The following TENT5B variants were observed in gnomAD, a reference collection of about 807,000 sequenced individuals.
TENT5B encodes family with sequence similarity 46 member B.
In TENT5B, 12 loss-of-function variants were observed where a neutral mutation model predicts 21.7. That is an observed-to-expected ratio of 0.55 (90% CI 0.36 to 0.90). The LOEUF (loss-of-function observed/expected upper bound fraction) is 0.90, where lower values mean the gene tolerates loss of function less well. Among genes scored for constraint, TENT5B ranks in the 40% least tolerant of loss-of-function variants. The pLI is 0.01. For missense variants in TENT5B, 540 were observed against 601.5 expected, an observed-to-expected ratio of 0.90 and a Z score of 1.07; for synonymous variants, 262 against 266.6, an observed-to-expected ratio of 0.98 and a Z score of 0.17.
intron 1 of TENT5B, among the ~76,000 whole-genome samples, chr1:27,010,404 A>G (rs1013260014): frequency 3.9e-5 from 6 of 151,944 alleles, no homozygotes; most frequent in African/African-American, 1.5e-4. Context: ...GCAACAACCG[A>G]CACCACCCTC....
In TENT5B at chr1:27,006,830, CG is replaced by C. The variant is rs769291716; in HGVS notation, c.391del (p.Arg131GlyfsTer12). 1.2e-6 allele frequency: 2 copies of C among 1,614,082 alleles called. No homozygotes were observed. Among genetic ancestry groups the C allele is most frequent in the South Asian group, 2.2e-5 (2 of 91,082 alleles). Reference sequence around the variant, plus strand: ...GGATGCCTCACTGCGCAGGTCCACCCGGAACACCAGGTCCAGATCCTTGTAG... The same window carrying C: ...GGATGCCTCACTGCGCAGGTCCACCCGAACACCAGGTCCAGATCCTTGTAG... ...LGYKDLDLVFRVDLRSEASFQ... is the reference protein window; with the variant it reads ...LGYKDLDLVFXVDLRSEASFQ... On this transcript the variant is annotated frameshift_variant, in exon 2 of 2. Coordinates refer to ENST00000289166, the MANE Select transcript of TENT5B (RefSeq NM_052943.4). LOFTEE classifies it high-confidence loss of function. The surrounding 1 kb of genome is among the most constrained non-coding windows in gnomAD (Gnocchi z 9.4).
chr1:27,005,724 G>A lies in TENT5B; in HGVS notation c.*220C>T. 1.9e-6 allele frequency: 1 copy of A among 536,194 alleles called. No individual in the cohort carries two copies. Among genetic ancestry groups the A allele is most frequent in the Non-Finnish European group, 3.1e-6 (1 of 321,492 alleles). The allele number at this position is 536,194 out of a possible 1,614,324, so 33.2% of individuals were successfully genotyped here. On this transcript the variant is annotated 3_prime_UTR_variant, in exon 2 of 2. Coordinates refer to ENST00000289166, the MANE Select transcript of TENT5B (RefSeq NM_052943.4). ...CGGCATGCTGGTCCAAAAGTGTGATGCAATAACCAAAGGGTCCTCCTGCTG... is the reference window on the plus strand; with the variant it reads ...CGGCATGCTGGTCCAAAAGTGTGATACAATAACCAAAGGGTCCTCCTGCTG...
In TENT5B at chr1:27,006,202, G is replaced by T; in HGVS notation, c.1020C>A (p.Tyr340Ter). The T allele has an allele frequency of 6.2e-7, 1 of 1,608,230 alleles. No homozygotes were observed. The highest frequency in any genetic ancestry group is 8.5e-7 in the Non-Finnish European group (1 of 1,178,156). Residue 340 changes from tyrosine to a stop codon, truncating the protein, a stop_gained, in exon 2 of 2, where the codon TAC becomes TAA. Transcript: ENST00000289166. LOFTEE classifies it high-confidence loss of function. This position sits in a 1 kb window ranked among gnomAD's most constrained non-coding sequence, Gnocchi z 9.4. Reference sequence around the variant, plus strand: ...CCCGGTGCAGTGTCACCAGGCAGGCGTAACGGCGGGCTGCATCTGCCCCAC... The same window carrying T: ...CCCGGTGCAGTGTCACCAGGCAGGCTTAACGGCGGGCTGCATCTGCCCCAC... ...HFGGADAARR[Y>*]ACLVTLHRVV...
In TENT5B at chr1:27,012,698, G is replaced by C. The variant is rs2082630594; in HGVS notation, c.-28C>G. On this transcript the variant is annotated 5_prime_UTR_variant, in exon 1 of 2. Transcript: ENST00000289166. ...GCCCGGCCCCCGGGCCCCGACGGCA[G>C]AAACCGTGGGGGTGGTTAAGGGGAG... 1 of 1,449,910 alleles carries C rather than the reference G, an allele frequency of 6.9e-7. No individual in the cohort carries two copies. Among genetic ancestry groups the C allele is most frequent in the South Asian group, 1.4e-5 (1 of 71,536 alleles). 89.8% of individuals were successfully genotyped at this position (1,449,910 alleles called of 1,614,324 possible). A position where few individuals can be genotyped will look rare whatever the true frequency, so the allele number is the denominator to read the frequency against.
In TENT5B at chr1:27,012,569, GCCGCCTGCCGGGGCTGCCGTGGCCA is replaced by G; in HGVS notation, c.77_101del (p.Val26AlafsTer16). On this transcript the variant is annotated frameshift_variant, in exon 1 of 2. Transcript: ENST00000289166. LOFTEE classifies it high-confidence loss of function. ...CCGATAAGGCCTCCGGGTCGGGGCCGCCGCCTGCCGGGGCTGCCGTGGCCACCGCCGTGGCCGCAGCCGTCCCCAC... is the reference window on the plus strand; with the variant it reads ...CCGATAAGGCCTCCGGGTCGGGGCCGCCGCCGTGGCCGCAGCCGTCCCCAC... The G allele has an allele frequency of 6.4e-7, 1 of 1,553,332 alleles. No individual in the cohort carries two copies. Among genetic ancestry groups the G allele is most frequent in the Non-Finnish European group, 8.6e-7 (1 of 1,156,138 alleles).
chr1:27,012,520 C>A lies in TENT5B; in HGVS notation c.151G>T (p.Gly51Trp). 1.9e-6 allele frequency: 3 copies of A among 1,606,170 alleles called. No homozygotes were observed. Among genetic ancestry groups the A allele is most frequent in the Non-Finnish European group, 2.5e-6 (3 of 1,179,236 alleles). ...CGCTTCACCTGTGGCCAGCTCAGCC[C>A]ACTCAGGTGCCGTCCGGGGAAGGCC... is the stretch of plus-strand genomic sequence containing the variant. ...LSAFPGRHLS[G>W]LSWPQVKRLD... The change falls in exon 1 of 2, where the codon GGG becomes TGG. Residue 51 changes from glycine (G) to tryptophan (W), a missense_variant. Transcript: ENST00000289166.
intron 1 of TENT5B, among the ~76,000 whole-genome samples, chr1:27,010,530 G>A (rs576445484): frequency 6.6e-6 from 1 of 152,140 alleles, no homozygotes; most frequent in Non-Finnish European, 1.5e-5. Context: ...ACCAGGTGAA[G>A]GCACCTGTCC....
Position 27,005,905 on chromosome 1 carries a change from C to G in TENT5B, c.*39G>C. 1 of 1,515,632 alleles carries G rather than the reference C, an allele frequency of 6.6e-7. No individual in the cohort carries two copies. Among genetic ancestry groups the G allele is most frequent in the Non-Finnish European group, 8.8e-7 (1 of 1,132,024 alleles). The allele number at this position is 1,515,632 out of a possible 1,614,324, so 93.9% of individuals were successfully genotyped here. A position where few individuals can be genotyped will look rare whatever the true frequency, so the allele number is the denominator to read the frequency against. On this transcript the variant is annotated 3_prime_UTR_variant, in exon 2 of 2. Transcript: ENST00000289166. ...CACTCTTGGAGGCCCCACCCCACCC[C>G]GTGAGGCCCAGTCCCTTCCCTTCTG...
At chr1:27,007,196 A>G (rs1300921982) in intron 1 of TENT5B, among the ~76,000 whole-genome samples, 1 of 152,088 alleles carries the variant, frequency 6.6e-6, no homozygotes, top group East Asian at 1.9e-4. Flanking sequence ...CTCAGGAAGA[A>G]TAGCAATGAT....
Position 27,006,966 on chromosome 1 carries a change from G to T in TENT5B, c.265-9C>A. ...AGGGTGCTGCGGACCACCTGCAGGG[G>T]AGAGCAGGAAGGAGAGGTGTCAGGA... is the stretch of plus-strand genomic sequence containing the variant. On this transcript the variant is annotated splice_polypyrimidine_tract_variant and intron_variant, in intron 1 of 1. Coordinates refer to ENST00000289166, the MANE Select transcript of TENT5B (RefSeq NM_052943.4). The surrounding 1 kb of genome is among the most constrained non-coding windows in gnomAD (Gnocchi z 9.4). The T allele has an allele frequency of 1.9e-6, 3 of 1,566,448 alleles. No individual in the cohort carries two copies. The highest frequency in any genetic ancestry group is 2.6e-6 in the Non-Finnish European group (3 of 1,152,872).
In TENT5B at chr1:27,006,828, C is replaced by A; in HGVS notation, c.394G>T (p.Val132Leu). The A allele has an allele frequency of 6.2e-7, 1 of 1,614,056 alleles. No homozygotes were observed. Among genetic ancestry groups the A allele is most frequent in the South Asian group, 1.1e-5 (1 of 91,086 alleles). ...AAGGATGCCTCACTGCGCAGGTCCA[C>A]CCGGAACACCAGGTCCAGATCCTTG... ...GYKDLDLVFR[V>L]DLRSEASFQL... Residue 132 changes from valine (V) to leucine (L), a missense_variant, in exon 2 of 2, where the codon GTG becomes TTG. Physicochemically the swap from Val to Leu is conservative, Grantham distance 32 (BLOSUM62 1). Coordinates refer to ENST00000289166, the MANE Select transcript of TENT5B (RefSeq NM_052943.4). The surrounding 1 kb of genome is among the most constrained non-coding windows in gnomAD (Gnocchi z 9.4).
Position 27,006,202 on chromosome 1 carries a change from G to GT in TENT5B, c.1019dup (p.Tyr340Ter), listed in dbSNP as rs750701037. 1 of 1,608,230 alleles carries GT rather than the reference G, an allele frequency of 6.2e-7. No individual in the cohort carries two copies. The highest frequency in any genetic ancestry group is 8.5e-7 in the Non-Finnish European group (1 of 1,178,156). Residue 340 changes from tyrosine (Y) to a stop codon, truncating the protein, a stop_gained and frameshift_variant, in exon 2 of 2, where the codon TAC (tyrosine) becomes TAAC (stop). Coordinates refer to ENST00000289166, the MANE Select transcript of TENT5B (RefSeq NM_052943.4). LOFTEE classifies it high-confidence loss of function. The surrounding 1 kb of genome is among the most constrained non-coding windows in gnomAD (Gnocchi z 9.4). ...CCCGGTGCAGTGTCACCAGGCAGGC[G>GT]TAACGGCGGGCTGCATCTGCCCCAC... is the stretch of plus-strand genomic sequence containing the variant. Reference protein sequence around the residue: ...HFGGADAARRYACLVTLHRVV... With the variant: ...HFGGADAARR
chr1:27,007,767 G>C (rs2082607770), intron 1 of TENT5B, among the ~76,000 whole-genome samples: 1 of 152,290 alleles, frequency 6.6e-6, no homozygotes, highest in African/African-American at 2.4e-5. Flanking sequence ...CTGCTCAAAC[G>C]TGTTGGGAAT....
chr1:27,008,974 C>CTTTTTTT (rs1557703526), intron 1 of TENT5B, among the ~76,000 whole-genome samples: 3 of 106,366 alleles, frequency 2.8e-5, no homozygotes, highest in African/African-American at 1.2e-4. Context: ...TTCCTCCATC[C>CTTTTTTT]TTCTTTTTTT....
At chr1:27,011,802 C>G (rs1287074446) in intron 1 of TENT5B, among the ~76,000 whole-genome samples, 2 of 152,110 alleles carry the variant, frequency 1.3e-5, no homozygotes, top group Non-Finnish European at 2.9e-5. Flanking sequence ...TAATGTTGCC[C>G]TTGGGGGTGG....
At chr1:27,009,488 A>C (rs997055368) in intron 1 of TENT5B, among the ~76,000 whole-genome samples, 1 of 152,242 alleles carries the variant, frequency 6.6e-6, no homozygotes, top group African/African-American at 2.4e-5. Flanking sequence ...TGAAGCCCAG[A>C]GCCAGAATAG....
rs747180885 is a variant in TENT5B, at chr1:27,006,020, G to T, written c.1202C>A (p.Ala401Asp). 1.9e-6 allele frequency: 3 copies of T among 1,609,512 alleles called. No homozygotes were observed. Among genetic ancestry groups the T allele is most frequent in the African/African-American group, 2.7e-5 (2 of 74,882 alleles). Residue 401 changes from alanine (A) to aspartate (D), a missense_variant, in exon 2 of 2, where the codon GCC becomes GAC. Physicochemically the swap from Ala to Asp is moderately radical, Grantham distance 126. Coordinates refer to ENST00000289166, the MANE Select transcript of TENT5B (RefSeq NM_052943.4). The surrounding 1 kb of genome is among the most constrained non-coding windows in gnomAD (Gnocchi z 9.4). ...GGGGGTCACGTAGTAATTGACAGTG[G>T]CTGGCACAACCCCGTCAGTGCCTGG... ...RPPGTDGVVP[A>D]TVNYYVTPVQ... is the part of the protein sequence containing the mutation.
At position 27,012,558 on chromosome 1, in the gene TENT5B, G is replaced by C. The variant is rs769445450; in HGVS notation, c.113C>G (p.Pro38Arg). Residue 38 changes from proline to arginine, a missense_variant, in exon 1 of 2, where the codon CCG (proline) becomes CGG (arginine). Coordinates refer to ENST00000289166, the MANE Select transcript of TENT5B (RefSeq NM_052943.4). ...TAAPAGGGPD[P>R]EALSAFPGRH... ...TCCGGGGAAGGCCGATAAGGCCTCC[G>C]GGTCGGGGCCGCCGCCTGCCGGGGC... 7.0e-6 allele frequency: 11 copies of C among 1,577,718 alleles called. No individual in the cohort carries two copies. Among genetic ancestry groups the C allele is most frequent in the Middle Eastern group, 1.9e-4 (1 of 5,184 alleles).
Position 27,006,440 on chromosome 1 carries a change from A to C in TENT5B, c.782T>G (p.Leu261Arg). The C allele has an allele frequency of 6.2e-7, 1 of 1,613,572 alleles. No individual in the cohort carries two copies. Among genetic ancestry groups the C allele is most frequent in the Non-Finnish European group, 8.5e-7 (1 of 1,179,866 alleles). Residue 261 changes from leucine to arginine, a missense_variant, in exon 2 of 2, where the codon CTG (leucine) becomes CGG (arginine). Physicochemically the swap from Leu to Arg is moderately radical, Grantham distance 102. Transcript: ENST00000289166. The surrounding 1 kb of genome is among the most constrained non-coding windows in gnomAD (Gnocchi z 9.4). ...YGDFTEALEH[L>R]RHRVIATRSP... is the part of the protein sequence containing the mutation. ...GCGCGTGGCGATGACACGGTGCCGC[A>C]GGTGCTCCAGGGCCTCGGTGAAGTC...
Sources: gnomAD v4.1 joint callset for allele counts (sites outside exome capture counted in the v4.1 genomes callset) on GRCh38, gnomAD v4.1.1 for gene constraint, Gnocchi (gnomAD v3.1) non-coding constraint, MANE v1.5 for transcripts, NCBI Gene and HGNC (gene_info 2026-07-23, HGNC 2026-07-21) for gene names.